MYZAP: variants seen among roughly 807,000 people sequenced by gnomAD.
The protein encoded by MYZAP is myocardial zonula adherens protein.
A neutral mutation model predicts 69.4 loss-of-function variants in MYZAP; 66 were observed. That is an observed-to-expected ratio of 0.95 (90% CI 0.78 to 1.17). MYZAP has a LOEUF of 1.17. MYZAP is among the 50% of genes most tolerant of loss of function. The pLI is 0.00. For missense variants in MYZAP, 611 were observed against 556.2 expected (o/e 1.10, Z -0.99); for synonymous variants, 256 against 205.9 (o/e 1.24, Z -2.09).
chr15:57,651,652 T>G (rs2037732694), intron 10 of MYZAP, among the ~76,000 whole-genome samples: 3 of 152,184 alleles, frequency 2.0e-5, no homozygotes. Flanking sequence ...TCCAGATGAT[T>G]GTGAAGGGAG....
intron 10 of MYZAP, chr15:57,646,855 A>G (rs2037472105): frequency 6.1e-6 from 6 of 985,336 alleles, no homozygotes; most frequent in Admixed American, 6.1e-5. Flanking sequence ...ATAAAGAGAA[A>G]TCTATCTGGC....
chr15:57,620,673 A>C (rs2035749494), intron 3 of MYZAP, among the ~76,000 whole-genome samples: 1 of 152,198 alleles, frequency 6.6e-6, no homozygotes, highest in Non-Finnish European at 1.5e-5. Flanking sequence ...TGAGGAACTG[A>C]CTTTCAAATT....
At chr15:57,671,682 TA>T (rs1259985560) in intron 11 of MYZAP, among the ~76,000 whole-genome samples, 10 of 152,020 alleles carry the variant, frequency 6.6e-5, no homozygotes, top group African/African-American at 9.6e-5. Flanking sequence ...TAGTGACTTT[TA>T]AAAAAAAATT....
At chr15:57,620,827 T>C (rs1291822055) in intron 3 of MYZAP, among the ~76,000 whole-genome samples, 7 of 152,122 alleles carry the variant, frequency 4.6e-5, no homozygotes, top group African/African-American at 1.7e-4. Flanking sequence ...TTAAAACACA[T>C]TCTACTTGTA....
chr15:57,641,642 C>G (rs1337462660), intron 10 of MYZAP, among the ~76,000 whole-genome samples: 6 of 152,058 alleles, frequency 3.9e-5, no homozygotes, highest in African/African-American at 1.2e-4. Flanking sequence ...GAATGTAGAC[C>G]ACCACCACCA....
At chr15:57,646,686 G>A in intron 10 of MYZAP, 2 of 988,990 alleles carry the variant, frequency 2.0e-6, no homozygotes, top group Non-Finnish European at 2.4e-6. Flanking sequence ...ATGTGGTTTG[G>A]TTCTATTTGT....
At chr15:57,648,556 G>T (rs868172051) in intron 10 of MYZAP, 1 of 837,782 alleles carries the variant, frequency 1.2e-6, no homozygotes. Flanking sequence ...GGAAACTGAG[G>T]CTTAGAGTCT....
chr15:57,661,318 CACT>C, intron 10 of MYZAP, 129 bp from the exon 11 acceptor site: 1 of 719,188 alleles, frequency 1.4e-6, no homozygotes. Flanking sequence ...CATCCAGCCC[CACT>C]GGAAATGAGG....
intron 11 of MYZAP, among the ~76,000 whole-genome samples, chr15:57,670,409 C>T (rs2038812934): frequency 2.0e-5 from 3 of 151,940 alleles, no homozygotes; most frequent in Non-Finnish European, 4.4e-5. Context: ...GCCATTTTTA[C>T]CCTGTTATAT....
intron 5 of MYZAP, among the ~76,000 whole-genome samples, chr15:57,626,189 TA>T (rs2036123662): frequency 6.6e-6 from 1 of 152,160 alleles, no homozygotes; most frequent in Non-Finnish European, 1.5e-5. Flanking sequence ...CATCAGTGCC[TA>T]ACCCCACACG....
intron 4 of MYZAP, 25 bp from the exon 5 acceptor site, chr15:57,625,754 G>T: frequency 6.2e-7 from 1 of 1,610,202 alleles, no homozygotes; most frequent in South Asian, 1.1e-5. Flanking sequence ...TTGATTTTGT[G>T]TGACTGTCTC....
At chr15:57,663,184 A>G (rs548618622) in intron 11 of MYZAP, among the ~76,000 whole-genome samples, 1 of 152,310 alleles carries the variant, frequency 6.6e-6, no homozygotes, top group African/African-American at 2.4e-5. Flanking sequence ...CAGGAGAGGC[A>G]GAAGGTCCCC....
At chr15:57,624,332 C>G (rs1309752855) in intron 4 of MYZAP, among the ~76,000 whole-genome samples, 1 of 152,144 alleles carries the variant, frequency 6.6e-6, no homozygotes, top group African/African-American at 2.4e-5. Context: ...AGATTAAGTG[C>G]TTAAGTAACA....
At chr15:57,646,695 G>C in intron 10 of MYZAP, 1 of 987,906 alleles carries the variant, frequency 1.0e-6, no homozygotes, top group Non-Finnish European at 1.2e-6. Flanking sequence ...GGTTCTATTT[G>C]TATATGGGAG....
At chr15:57,651,524 G>T (rs1246962423) in intron 10 of MYZAP, among the ~76,000 whole-genome samples, 1 of 152,210 alleles carries the variant, frequency 6.6e-6, no homozygotes, top group Non-Finnish European at 1.5e-5. Flanking sequence ...GCCATAGGTT[G>T]TCATCACTGG....
At chr15:57,605,675 G>A (rs1346532876) in intron 2 of MYZAP, among the ~76,000 whole-genome samples, 1 of 152,160 alleles carries the variant, frequency 6.6e-6, no homozygotes, top group East Asian at 1.9e-4. Context: ...GAAAGGTGAG[G>A]AGTAAAATTG....
intron 1 of MYZAP, among the ~76,000 whole-genome samples, chr15:57,598,526 A>G (rs575595257): frequency 1.3e-5 from 2 of 152,300 alleles, no homozygotes; most frequent in African/African-American, 4.8e-5. Context: ...AGCTTACTTG[A>G]TCACTCCCCC....
At chr15:57,678,187 C>T (rs2039240378) in intron 12 of MYZAP, among the ~76,000 whole-genome samples, 1 of 151,964 alleles carries the variant, frequency 6.6e-6, no homozygotes, top group Non-Finnish European at 1.5e-5. Flanking sequence ...CTTGATGAAA[C>T]CCTGTCTCTA....
chr15:57,600,895 A>G (rs1417473585), intron 1 of MYZAP, among the ~76,000 whole-genome samples: 1 of 152,162 alleles, frequency 6.6e-6, no homozygotes, highest in African/African-American at 2.4e-5. Context: ...TGTGGGCAAC[A>G]TAGTAAGACT....
Sources: allele counts gnomAD v4.1 joint callset (sites outside exome capture counted in the v4.1 genomes callset), GRCh38; gene constraint gnomAD v4.1.1; transcripts MANE v1.5; gene names NCBI Gene and HGNC (gene_info 2026-07-23, HGNC 2026-07-21).